Variants in CTSC observed in about 807,000 individuals in gnomAD.
CTSC encodes the protein cathepsin C.
In CTSC, 37 loss-of-function variants were observed where a neutral mutation model predicts 40.9. That is an observed-to-expected ratio of 0.91 (90% CI 0.70 to 1.19). CTSC has a LOEUF of 1.19. Among genes scored for constraint, CTSC ranks in the 50% most tolerant of loss-of-function variants. The probability of loss-of-function intolerance (pLI) is 0.00; values close to 1 mark genes in which losing one functional copy is unlikely to be tolerated. For missense variants in CTSC, 594 were observed against 567.3 expected, an observed-to-expected ratio of 1.05 and a Z score of -0.48; for synonymous variants, 232 against 207.4, an observed-to-expected ratio of 1.12 and a Z score of -1.02.
intron 1 of CTSC, among the ~76,000 whole-genome samples, chr11:88,335,510 G>C (rs1938470326): frequency 6.6e-6 from 1 of 152,192 alleles, no homozygotes. Flanking sequence ...GAGCCCAGGA[G>C]TTGGAGGCTG....
At chr11:88,319,236 T>A (rs1937944616) in intron 2 of CTSC, among the ~76,000 whole-genome samples, 1 of 152,214 alleles carries the variant, frequency 6.6e-6, no homozygotes, top group South Asian at 2.1e-4. Context: ...TTTTTTATAA[T>A]TACCCTATTC....
At chr11:88,334,480 G>A (rs555171551) in intron 2 of CTSC, among the ~76,000 whole-genome samples, 1 of 152,234 alleles carries the variant, frequency 6.6e-6, no homozygotes, top group Admixed American at 6.5e-5. Context: ...AACATATTTA[G>A]TACATTTAAG....
chr11:88,321,711 T>G (rs1938018516), intron 2 of CTSC: 1 of 152,236 alleles, frequency 6.6e-6, no homozygotes, highest in African/African-American at 2.4e-5. Flanking sequence ...ATTCCATGTC[T>G]TTGCTATTGT....
At chr11:88,326,227 G>T in intron 2 of CTSC, 1 of 1,438,000 alleles carries the variant, frequency 7.0e-7, no homozygotes. Context: ...TTCCAAGGGA[G>T]TGTTCAGGAG....
intron 3 of CTSC, among the ~76,000 whole-genome samples, chr11:88,309,810 GCGCGCA>G (rs1281151695): frequency 0.012 from 1,252 of 101,756 alleles, 20 homozygotes; most frequent in African/African-American, 0.038. Flanking sequence ...ATATATGTAT[GCGCGCA>G]CACACACACA....
At position 88,296,144 on chromosome 11, in the gene CTSC, T is replaced by C. The variant is rs1944296103; in HGVS notation, c.878A>G (p.Gln293Arg). ...AATGCAACACTTACCTTGAGCATACTGGCTACAAGACACAACCTCCTGAGG... is the reference window on the plus strand; with the variant it reads ...AATGCAACACTTACCTTGAGCATACCGGCTACAAGACACAACCTCCTGAGG... Reference protein sequence around the residue: ...LSPQEVVSCSQYAQGCEGGFP... With the variant: ...LSPQEVVSCSRYAQGCEGGFP... The change falls in exon 6 of 7, where the codon CAG becomes CGG. Residue 293 changes from glutamine to arginine, a missense_variant. Coordinates refer to ENST00000227266, the MANE Select transcript of CTSC (RefSeq NM_001814.6). 1 of 1,613,854 alleles carries C rather than the reference T, an allele frequency of 6.2e-7. No homozygotes were observed. Among genetic ancestry groups the C allele is most frequent in the African/African-American group, 1.3e-5 (1 of 74,902 alleles).
intron 3 of CTSC, among the ~76,000 whole-genome samples, chr11:88,310,103 A>T (rs1254009441): frequency 6.6e-6 from 1 of 152,076 alleles, no homozygotes; most frequent in Non-Finnish European, 1.5e-5. Flanking sequence ...TTGAACCAAT[A>T]TCAGTAGCAA....
intron 2 of CTSC, chr11:88,324,897 ACTT>A (rs767645629): frequency 4.1e-6 from 4 of 985,226 alleles, no homozygotes; most frequent in Non-Finnish European, 2.4e-6. Flanking sequence ...TTTCTGAAAT[ACTT>A]CTTCTCAGAA....
intron 4 of CTSC, among the ~76,000 whole-genome samples, chr11:88,302,625 CAAAAAAAAAAA>C (rs139973958): frequency 0.025 from 1,976 of 80,120 alleles, 66 homozygotes; most frequent in South Asian, 0.042. Flanking sequence ...GACTCCGCCT[CAAAAAAAAAAA>C]AAAAAAAAAA....
intron 2 of CTSC, chr11:88,325,781 T>C (rs1938164556): frequency 1.3e-5 from 13 of 985,730 alleles, no homozygotes; most frequent in Admixed American, 6.1e-5. Flanking sequence ...AAGTATACTA[T>C]AGCAGTCTGA....
In CTSC at chr11:88,308,347, G is replaced by A. The variant is rs115408201; in HGVS notation, c.641+816C>T. Among the ~76,000 whole-genome samples, 699 of 152,238 alleles carry A rather than the reference G, an allele frequency of 4.6e-3. 5 individuals are homozygous for A. The highest frequency in any genetic ancestry group is 0.016 in the African/African-American group (681 of 41,528). On this transcript the variant is annotated intron_variant, in intron 4 of 6. Transcript: ENST00000227266. ...GCGCAGACTTGAGAGATTGTCAGCC[G>A]TTATTCCAGAGGTTATAAGACATGC...
intron 4 of CTSC, among the ~76,000 whole-genome samples, chr11:88,308,916 G>A (rs1937691479): frequency 6.6e-6 from 1 of 152,138 alleles, no homozygotes. Flanking sequence ...AAAGCTGCAT[G>A]CCAGAGTGTA....
At chr11:88,315,227 C>T (rs376271686) in intron 2 of CTSC, among the ~76,000 whole-genome samples, 1 of 152,206 alleles carries the variant, frequency 6.6e-6, no homozygotes, top group African/African-American at 2.4e-5. Flanking sequence ...CCCACCTCTG[C>T]TGTTTGAGGA....
chr11:88,311,394 T>C (rs1565255919), intron 3 of CTSC, among the ~76,000 whole-genome samples: 2 of 152,230 alleles, frequency 1.3e-5, no homozygotes, highest in Non-Finnish European at 2.9e-5. Flanking sequence ...ACCTCTGTGC[T>C]GCAGTCATTC....
chr11:88,326,154 T>C, intron 2 of CTSC: 1 of 1,279,358 alleles, frequency 7.8e-7, no homozygotes, highest in Non-Finnish European at 9.9e-7. Context: ...ATCTTCAGAA[T>C]TTTTTTTTCC....
intron 4 of CTSC, among the ~76,000 whole-genome samples, chr11:88,303,010 A>G (rs574713697): frequency 6.6e-6 from 1 of 152,370 alleles, no homozygotes; most frequent in East Asian, 1.9e-4. Flanking sequence ...GAGAAAAAAC[A>G]AAGCTTGGAC....
At chr11:88,322,498 A>T (rs1233356927) in intron 2 of CTSC, 1 of 152,190 alleles carries the variant, frequency 6.6e-6, no homozygotes, top group Non-Finnish European at 1.5e-5. Context: ...AATTGAATAG[A>T]GAGTCCTTTC....
At chr11:88,303,060 C>T (rs1181949969) in intron 4 of CTSC, among the ~76,000 whole-genome samples, 2 of 152,130 alleles carry the variant, frequency 1.3e-5, no homozygotes, top group Non-Finnish European at 2.9e-5. Context: ...AAGATGCAAA[C>T]AAACCATTTC....
At chr11:88,332,040 T>C (rs1033579780) in intron 2 of CTSC, among the ~76,000 whole-genome samples, 1 of 152,196 alleles carries the variant, frequency 6.6e-6, no homozygotes, top group African/African-American at 2.4e-5. Context: ...CAAGCATATC[T>C]GAAGCATATA....
Sources: allele counts gnomAD v4.1 joint callset (sites outside exome capture counted in the v4.1 genomes callset), GRCh38; gene constraint gnomAD v4.1.1; transcripts MANE v1.5; gene names NCBI Gene and HGNC (gene_info 2026-07-23, HGNC 2026-07-21).